Variants in PTPRN2 observed in about 807,000 individuals in gnomAD.
PTPRN2 encodes the protein receptor-type tyrosine-protein phosphatase N2.
In PTPRN2, 74 loss-of-function variants were observed where a neutral mutation model predicts 118.8. The observed-to-expected ratio is 0.62, with a 90% CI of 0.52 to 0.76. The LOEUF (loss-of-function observed/expected upper bound fraction) is 0.76. Among genes scored for constraint, PTPRN2 ranks in the 30% least tolerant of loss-of-function variants. PTPRN2 has a pLI of 0.00. For missense variants in PTPRN2, 1,481 were observed against 1,394.4 expected (o/e 1.06, Z -0.99); for synonymous variants, 641 against 608.0 (o/e 1.05, Z -0.80).
chr7:158,151,514 T>TGTCTCTCCCTGCCCA (rs1563522262), intron 6 of PTPRN2, among the ~76,000 whole-genome samples: 4 of 146,076 alleles, frequency 2.7e-5, no homozygotes, highest in Non-Finnish European at 4.6e-5. Context: ...TTTCTGCTCC[T>TGTCTCTCCCTGCCCA]CACCGCACGT....
In PTPRN2 at chr7:157,787,221, A is replaced by G. The variant is rs111779299; in HGVS notation, c.1789-104284T>C. On this transcript the variant is annotated intron_variant, in intron 12 of 22. Coordinates refer to ENST00000389418, the MANE Select transcript of PTPRN2 (RefSeq NM_002847.5). The surrounding 1 kb of genome is among the most constrained non-coding windows in gnomAD (Gnocchi z 5.3). Reference sequence around the variant, plus strand: ...GCTCTTCTGGAAGCAATTCGTGGGAAACCCACTTGGATGCCACTTATGACC... The same window carrying G: ...GCTCTTCTGGAAGCAATTCGTGGGAGACCCACTTGGATGCCACTTATGACC... Among the ~76,000 whole-genome samples, 22,993 of 150,244 alleles carry G rather than the reference A, an allele frequency of 0.15. 2,193 individuals are homozygous for G. Among genetic ancestry groups the G allele is most frequent in the African/African-American group, 0.25 (10,129 of 40,130 alleles).
At position 158,138,359 on chromosome 7, in the gene PTPRN2, G is replaced by A; in HGVS notation, c.1067C>T (p.Ala356Val). Residue 356 changes from alanine to valine, a missense_variant, in exon 7 of 23, where the codon GCC becomes GTC. Around this residue, in one of 3 missense-constraint regions of PTPRN2, gnomAD observed 1,115 missense variants for 994.2 expected, o/e 1.12. Coordinates refer to ENST00000389418, the MANE Select transcript of PTPRN2 (RefSeq NM_002847.5). ...CGCCTGTTCTCCAGACTCTCCCAGGGCCGCTCTCCCAGGGCTGCCTCGAGC... is the reference window on the plus strand; with the variant it reads ...CGCCTGTTCTCCAGACTCTCCCAGGACCGCTCTCCCAGGGCTGCCTCGAGC... ...GVARGSPGRA[A>V]LGESGEQADG... 1.2e-6 allele frequency: 2 copies of A among 1,613,804 alleles called. No homozygotes were observed. The highest frequency in any genetic ancestry group is 1.7e-6 in the Non-Finnish European group (2 of 1,180,024).
At chr7:157,842,386 C>T (rs1031411988) in intron 12 of PTPRN2, among the ~76,000 whole-genome samples, 12 of 150,388 alleles carry the variant, frequency 8.0e-5, no homozygotes, top group South Asian at 2.1e-4. Flanking sequence ...GCTCAAATGC[C>T]GCTTTGTGTG....
chr7:157,667,560 G>A (rs892471979), intron 13 of PTPRN2, among the ~76,000 whole-genome samples: 3 of 152,224 alleles, frequency 2.0e-5, no homozygotes, highest in African/African-American at 7.2e-5. Flanking sequence ...AGGGCTGTCC[G>A]CACTGGATGA....
At chr7:158,484,735 GA>G (rs1820879825) in intron 2 of PTPRN2, among the ~76,000 whole-genome samples, 1 of 152,182 alleles carries the variant, frequency 6.6e-6, no homozygotes, top group Non-Finnish European at 1.5e-5. Flanking sequence ...TGAGCACGGC[GA>G]TTCCCAGGTT....
intron 2 of PTPRN2, among the ~76,000 whole-genome samples, chr7:158,376,304 C>T (rs574090584): frequency 2.1e-4 from 32 of 150,798 alleles, no homozygotes; most frequent in African/African-American, 7.8e-4. Flanking sequence ...AGAGGGGGGT[C>T]AGGGGACTCC....
intron 5 of PTPRN2, among the ~76,000 whole-genome samples, chr7:158,174,292 C>T (rs1025635663): frequency 1.3e-5 from 2 of 152,130 alleles, no homozygotes; most frequent in African/African-American, 4.8e-5. Flanking sequence ...TCAACAATAT[C>T]ATCTCCACTA....
At chr7:157,866,329 C>T (rs114203794) in intron 12 of PTPRN2, among the ~76,000 whole-genome samples, 288 of 152,244 alleles carry the variant, frequency 1.9e-3, no homozygotes, top group African/African-American at 6.5e-3. Context: ...CATACACACA[C>T]ATGCATATGC....
At position 158,092,284 on chromosome 7, in the gene PTPRN2, G is replaced by A. The variant is rs182806327; in HGVS notation, c.1644-10907C>T. ...CATATATATACATATATGTGTGTGT[G>A]TATATATATGTAGGTGAGTGGGTGG... is the stretch of plus-strand genomic sequence containing the variant. On this transcript the variant is annotated intron_variant, in intron 10 of 22. Coordinates refer to ENST00000389418, the MANE Select transcript of PTPRN2 (RefSeq NM_002847.5). Among the ~76,000 whole-genome samples the A allele has an allele frequency of 5.5e-3, 766 of 139,976 alleles. 4 individuals carry two copies. Among genetic ancestry groups the A allele is most frequent in the African/African-American group, 0.019 (707 of 37,894 alleles). The allele number at this position is 139,976 out of a possible 152,430, so 91.8% of individuals were successfully genotyped here. A position where few individuals can be genotyped will look rare whatever the true frequency, so the allele number is the denominator to read the frequency against.
At chr7:158,090,714 A>G (rs1361846951) in intron 10 of PTPRN2, among the ~76,000 whole-genome samples, 1 of 152,140 alleles carries the variant, frequency 6.6e-6, no homozygotes, top group East Asian at 1.9e-4. Context: ...CATCAACCAG[A>G]CTGTTGAGTG....
At chr7:158,030,511 TA>T (rs1172231825) in intron 11 of PTPRN2, 1 of 152,258 alleles carries the variant, frequency 6.6e-6, no homozygotes, top group Non-Finnish European at 1.5e-5. Flanking sequence ...GGAAGCCAGT[TA>T]AAGATGAGGC....
At chr7:158,489,824 G>C in intron 1 of PTPRN2, 39 bp from the exon 2 acceptor site, 1 of 1,542,320 alleles carries the variant, frequency 6.5e-7, no homozygotes, top group Non-Finnish European at 8.8e-7. Context: ...CAGCTGGAGG[G>C]GAGGAGGGGG....
chr7:158,026,452 C>T (rs931856528), intron 11 of PTPRN2, among the ~76,000 whole-genome samples: 4 of 152,292 alleles, frequency 2.6e-5, no homozygotes, highest in East Asian at 1.9e-4. Context: ...GACAGCATGG[C>T]GTGGATTTTG....
chr7:158,320,375 C>T (rs965192435), intron 2 of PTPRN2, among the ~76,000 whole-genome samples: 2 of 152,316 alleles, frequency 1.3e-5, no homozygotes, highest in African/African-American at 4.8e-5. Flanking sequence ...TAACAGTGGC[C>T]GTGCCATTTT....
At chr7:158,014,856 C>A (rs536859039) in intron 11 of PTPRN2, among the ~76,000 whole-genome samples, 2 of 150,102 alleles carry the variant, frequency 1.3e-5, no homozygotes, top group African/African-American at 4.9e-5. Context: ...ATCTACCCAC[C>A]CATTCACCTG....
At position 158,526,004 on chromosome 7, in the gene PTPRN2, C is replaced by A. The variant is rs921855231; in HGVS notation, c.113-36219G>T. 1.3e-5 allele frequency among the ~76,000 whole-genome samples: 2 copies of A among 152,222 alleles called. No individual in the cohort carries two copies. Among genetic ancestry groups the A allele is most frequent in the Non-Finnish European group, 1.5e-5 (1 of 68,038 alleles). Reference sequence around the variant, plus strand: ...ACTCGGCTCTCTGCAGACCTGCAGACCTGCAGCCCAGCCCCTACTCTCCCC... The same window carrying A: ...ACTCGGCTCTCTGCAGACCTGCAGAACTGCAGCCCAGCCCCTACTCTCCCC... On this transcript the variant is annotated intron_variant, in intron 1 of 22. Transcript: ENST00000389418. This position sits in a 1 kb window ranked among gnomAD's most constrained non-coding sequence, Gnocchi z 5.2.
intron 2 of PTPRN2, among the ~76,000 whole-genome samples, chr7:158,444,946 C>CG (rs201327322): frequency 0.017 from 2,529 of 152,354 alleles, 80 homozygotes; most frequent in African/African-American, 0.058. Context: ...CGGCCGCACC[C>CG]GGCGGGGCAC....
At chr7:157,968,376 T>C (rs976414688) in intron 11 of PTPRN2, among the ~76,000 whole-genome samples, 3 of 152,212 alleles carry the variant, frequency 2.0e-5, no homozygotes, top group African/African-American at 7.2e-5. Context: ...CTGTGCTGAC[T>C]GGCATCGTCT....
chr7:158,193,608 C>T lies in PTPRN2; in HGVS notation c.381-1113G>A, dbSNP rs575790357. Among the ~76,000 whole-genome samples, 183 of 152,136 alleles carry T rather than the reference C, an allele frequency of 1.2e-3. 1 individual carries two copies. The highest frequency in any genetic ancestry group is 4.3e-3 in the African/African-American group (177 of 41,510). ...TGTGGCGGAGAGCTTGCCTGAGCCA[C>T]GGGGCAGCGTCTCAGCCTGGGACAC... On this transcript the variant is annotated intron_variant, in intron 4 of 22. Transcript: ENST00000389418.
Sources: allele counts gnomAD v4.1 joint callset (sites outside exome capture counted in the v4.1 genomes callset), GRCh38; gene constraint gnomAD v4.1.1; regional missense constraint gnomAD v4.1.1; non-coding constraint Gnocchi (gnomAD v3.1); transcripts MANE v1.5; gene names NCBI Gene and HGNC (gene_info 2026-07-23, HGNC 2026-07-21).